Variants in ATP10B observed in about 807,000 individuals in gnomAD.
ATP10B encodes the protein ATPase phospholipid transporting 10B (putative).
Under a neutral mutation model 141.2 loss-of-function variants are expected in ATP10B, and 122 were observed. The observed-to-expected ratio is 0.86, with a 90% CI of 0.75 to 1.00. The LOEUF (loss-of-function observed/expected upper bound fraction) is 1.00. Ranked by LOEUF, ATP10B falls within the 50% of genes least tolerant of loss-of-function variation. The pLI is 0.00. For missense variants in ATP10B, 1,876 were observed against 1,825.3 expected (o/e 1.03, Z -0.51); for synonymous variants, 685 against 692.0 (o/e 0.99, Z 0.16).
rs559156964 is a variant in ATP10B, at chr5:160,848,494, T to C, written c.-576+3447A>G. On this transcript the variant is annotated intron_variant, in intron 1 of 25. Coordinates refer to ENST00000327245, the MANE Select transcript of ATP10B (RefSeq NM_025153.3). The stretch of plus-strand genomic sequence containing the variant: ...TCTAGCATACCAGCATTTCTCTAAA[T>C]ACATTCACTGCCATATCACTGACAT... Among the ~76,000 whole-genome samples the C allele has an allele frequency of 8.5e-5, 13 of 152,350 alleles. No homozygotes were observed. The South Asian group carries it at 2.5e-3, about 29-fold the overall frequency.
At chr5:160,838,828 A>T (rs1268056573) in intron 1 of ATP10B, among the ~76,000 whole-genome samples, 3 of 152,120 alleles carry the variant, frequency 2.0e-5, no homozygotes, top group Non-Finnish European at 4.4e-5. Context: ...TGGAGGTGGG[A>T]CCTGGTGGAA....
chr5:160,704,090 C>T (rs1764835535), intron 3 of ATP10B, among the ~76,000 whole-genome samples: 1 of 152,194 alleles, frequency 6.6e-6, no homozygotes, highest in African/African-American at 2.4e-5. Context: ...AATCCTCTCA[C>T]CTCAGCCTCT....
chr5:160,787,865 C>T (rs1421871133), intron 1 of ATP10B, among the ~76,000 whole-genome samples: 1 of 152,176 alleles, frequency 6.6e-6, no homozygotes, highest in Non-Finnish European at 1.5e-5. Flanking sequence ...CCGTATCCAG[C>T]TAATAGACGG....
At chr5:160,647,242 A>T (rs1248045044) in intron 8 of ATP10B, among the ~76,000 whole-genome samples, 1 of 152,202 alleles carries the variant, frequency 6.6e-6, no homozygotes, top group Non-Finnish European at 1.5e-5. Flanking sequence ...CTTCTGGGAA[A>T]CCCAGAGGCA....
rs536476201 is a variant in ATP10B, at chr5:160,644,131, C to A, written c.868+7G>T. ...ATTCAGACAAAAGAAACTACCCAGA[C>A]AATGACCTGCATAGATGACAATGCC... On this transcript the variant is annotated splice_region_variant and intron_variant, in intron 9 of 25. Coordinates refer to ENST00000327245, the MANE Select transcript of ATP10B (RefSeq NM_025153.3). 6.2e-6 allele frequency: 10 copies of A among 1,611,842 alleles called. No homozygotes were observed. In the East Asian group the frequency reaches 2.0e-4, roughly 32 times the overall value.
chr5:160,816,871 C>G (rs1773674058), intron 1 of ATP10B, among the ~76,000 whole-genome samples: 1 of 152,106 alleles, frequency 6.6e-6, no homozygotes, highest in Non-Finnish European at 1.5e-5. Flanking sequence ...TAAATGTAAT[C>G]CAGCATATAA....
chr5:160,809,957 A>G (rs1773035712), intron 1 of ATP10B, among the ~76,000 whole-genome samples: 1 of 152,144 alleles, frequency 6.6e-6, no homozygotes, highest in Non-Finnish European at 1.5e-5. Flanking sequence ...AATGTGATAA[A>G]TTGTATGTCT....
chr5:160,766,294 G>T (rs1485532419), intron 2 of ATP10B, among the ~76,000 whole-genome samples: 1 of 142,706 alleles, frequency 7.0e-6, no homozygotes, highest in Non-Finnish European at 1.5e-5. Flanking sequence ...GCAAAAATAC[G>T]GAACCAGCCT....
Position 160,565,830 on chromosome 5 carries a change from G to T in ATP10B, c.4009C>A (p.Leu1337Ile), listed in dbSNP as rs747184959. The change falls in exon 26 of 26, where the codon CTC (leucine) becomes ATC (isoleucine). Residue 1337 changes from leucine to isoleucine, a missense_variant. Leu to Ile is a conservative substitution (Grantham distance 5). Transcript: ENST00000327245. ...LISKAQKIDK[L>I]PPDKRNLEIQ... ...TCCAGGTTTCTTTTGTCTGGGGGGAGTTTGTCAATTTTCTGAGCTTTTGAG... is the reference window on the plus strand; with the variant it reads ...TCCAGGTTTCTTTTGTCTGGGGGGATTTTGTCAATTTTCTGAGCTTTTGAG... 1.9e-6 allele frequency: 3 copies of T among 1,614,052 alleles called. No individual in the cohort carries two copies. Among genetic ancestry groups the T allele is most frequent in the Non-Finnish European group, 2.5e-6 (3 of 1,179,948 alleles).
chr5:160,694,971 G>A (rs1003489024), intron 3 of ATP10B, among the ~76,000 whole-genome samples: 1 of 152,174 alleles, frequency 6.6e-6, no homozygotes, highest in Admixed American at 6.5e-5. Flanking sequence ...AATATAATCA[G>A]CGTTCCAATG....
chr5:160,670,751 C>T (rs1209576568), intron 6 of ATP10B, 84 bp from the exon 7 acceptor site: 1 of 1,236,426 alleles, frequency 8.1e-7, no homozygotes, highest in Non-Finnish European at 1.2e-6. Context: ...GTCCCACCAG[C>T]ACCTAACTAT....
intron 2 of ATP10B, among the ~76,000 whole-genome samples, chr5:160,752,352 CT>C (rs1427178921): frequency 2.0e-5 from 3 of 152,090 alleles, no homozygotes; most frequent in African/African-American, 7.2e-5. Context: ...ACAGAAGCAG[CT>C]TGTGACAGGC....
At chr5:160,705,859 TG>T (rs1384865951) in intron 3 of ATP10B, among the ~76,000 whole-genome samples, 1 of 152,262 alleles carries the variant, frequency 6.6e-6, no homozygotes, top group Non-Finnish European at 1.5e-5. Flanking sequence ...GCTTTCAACA[TG>T]CATTCCTCAT....
At chr5:160,709,838 C>T (rs1179868730) in intron 3 of ATP10B, among the ~76,000 whole-genome samples, 2 of 116,590 alleles carry the variant, frequency 1.7e-5, no homozygotes, top group African/African-American at 3.3e-5. Flanking sequence ...TCAATTCCCA[C>T]CTATGAGTGA....
chr5:160,870,896 T>C, the ATP10B span, among the ~76,000 whole-genome samples: 1 of 152,172 alleles, frequency 6.6e-6, no homozygotes, highest in Non-Finnish European at 1.5e-5. Context: ...TGACTTTTCC[T>C]CAGAAAATGT....
intron 3 of ATP10B, 58 bp from the exon 4 acceptor site, chr5:160,689,001 T>C: frequency 1.1e-6 from 1 of 914,310 alleles, no homozygotes; most frequent in Admixed American, 6.2e-5. Flanking sequence ...GAAATGCTGC[T>C]TTACAGCACA....
At chr5:160,822,215 C>T (rs548862030) in intron 1 of ATP10B, among the ~76,000 whole-genome samples, 1 of 152,150 alleles carries the variant, frequency 6.6e-6, no homozygotes, top group Admixed American at 6.5e-5. Flanking sequence ...TCTGAATAGA[C>T]ATTTTGCAAA....
chr5:160,873,944 AG>A, the ATP10B span, among the ~76,000 whole-genome samples: 1 of 152,262 alleles, frequency 6.6e-6, no homozygotes, highest in Non-Finnish European at 1.5e-5. Flanking sequence ...GCAAGGCGGC[AG>A]CCAGGCTGGG....
At chr5:160,613,016 A>G in intron 17 of ATP10B, 91 bp from the exon 18 acceptor site, 1 of 1,250,570 alleles carries the variant, frequency 8.0e-7, no homozygotes, top group Non-Finnish European at 1.1e-6. Flanking sequence ...GGCAATGTTT[A>G]TTGGATAGCA....
Sources: gnomAD v4.1 joint callset for allele counts (sites outside exome capture counted in the v4.1 genomes callset) on GRCh38, gnomAD v4.1.1 for gene constraint, MANE v1.5 for transcripts, NCBI Gene and HGNC (gene_info 2026-07-23, HGNC 2026-07-21) for gene names.